DLC1: variants seen among roughly 807,000 people sequenced by gnomAD.
DLC1 encodes rho GTPase-activating protein 7.
DLC1 carries 54 observed loss-of-function variants against 140.3 expected under a neutral mutation model. That is an observed-to-expected ratio of 0.38 (90% CI 0.31 to 0.48). The LOEUF is 0.48. Ranked by LOEUF, DLC1 falls within the 20% of genes least tolerant of loss-of-function variation. The pLI, the probability that DLC1 is intolerant of heterozygous loss-of-function variation, is 0.96. For synonymous variants in DLC1, 986 were observed against 728.1 expected (o/e 1.35, Z -5.70); for missense variants, 2,536 against 1,907.0 (o/e 1.33, Z -6.14).
rs10092599 is a variant in DLC1, at chr8:13,087,716, G to A, written c.4292+771C>T. Among the ~76,000 whole-genome samples, 738 of 152,314 alleles carry A rather than the reference G, an allele frequency of 4.8e-3. 4 individuals are homozygous for A. Among genetic ancestry groups the A allele is most frequent in the African/African-American group, 0.017 (703 of 41,560 alleles). ...TTGGAACACAGACACCTAAAGGAGCGCTGGCTGTTTGAAAAGGTCTGGACT... is the reference window on the plus strand; with the variant it reads ...TTGGAACACAGACACCTAAAGGAGCACTGGCTGTTTGAAAAGGTCTGGACT... On this transcript the variant is annotated intron_variant, in intron 16 of 17. Coordinates refer to ENST00000276297, the MANE Select transcript of DLC1 (RefSeq NM_182643.3).
At chr8:13,269,874 G>A (rs531045276) in intron 5 of DLC1, among the ~76,000 whole-genome samples, 4 of 149,734 alleles carry the variant, frequency 2.7e-5, no homozygotes, top group South Asian at 4.3e-4. Context: ...TGGCTAACAC[G>A]GTGAAACCCC....
In DLC1 at chr8:13,499,318, C is replaced by T; in HGVS notation, c.754G>A (p.Val252Ile). The T allele has an allele frequency of 6.2e-7, 1 of 1,614,100 alleles. No homozygotes were observed. Among genetic ancestry groups the T allele is most frequent in the Non-Finnish European group, 8.5e-7 (1 of 1,180,028 alleles). Residue 252 changes from valine (V) to isoleucine (I), a missense_variant, in exon 2 of 18, where the codon GTA (valine) becomes ATA (isoleucine). Physicochemically the swap from Val to Ile is conservative, Grantham distance 29 (BLOSUM62 3). Transcript: ENST00000276297. ...GTATCCAAGAACTCATTTTGTACTA[C>T]ATTGCAGGTGCTTCTTTCATTTTCA... ...KDENERSTCN[V>I]VQNEFLDTPC...
chr8:13,259,012 C>T (rs1830372320), intron 5 of DLC1, among the ~76,000 whole-genome samples: 1 of 151,794 alleles, frequency 6.6e-6, no homozygotes, highest in Non-Finnish European at 1.5e-5. Context: ...TGGCGGGCGC[C>T]TGTACTCCCA....
At position 13,219,757 on chromosome 8, in the gene DLC1, C is replaced by A. The variant is rs114424475; in HGVS notation, c.1348+85512G>T. The stretch of plus-strand genomic sequence containing the variant: ...TCATTGCAGCACTATTTATAGCAAC[C>A]AAAAGTGGAAGCATTCTGAATCGTT... On this transcript the variant is annotated intron_variant, in intron 5 of 17. Coordinates refer to ENST00000276297, the MANE Select transcript of DLC1 (RefSeq NM_182643.3). 6.6e-3 allele frequency among the ~76,000 whole-genome samples: 1,003 copies of A among 151,918 alleles called. 9 individuals are homozygous for A. Among genetic ancestry groups the A allele is most frequent in the African/African-American group, 0.023 (941 of 41,430 alleles).
At chr8:13,096,354 C>T (rs1818498340) in intron 10 of DLC1, among the ~76,000 whole-genome samples, 1 of 152,084 alleles carries the variant, frequency 6.6e-6, no homozygotes, top group African/African-American at 2.4e-5. Context: ...ACTCTAAGCA[C>T]AGAGGAACTC....
At chr8:13,160,257 C>T (rs1824584171) in intron 5 of DLC1, 1 of 152,232 alleles carries the variant, frequency 6.6e-6, no homozygotes, top group African/African-American at 2.4e-5. Flanking sequence ...TCCACGCCCG[C>T]TGCTTCACTT....
chr8:13,495,542 C>A (rs1801461203), intron 2 of DLC1, among the ~76,000 whole-genome samples: 1 of 152,130 alleles, frequency 6.6e-6, no homozygotes, highest in South Asian at 2.1e-4. Context: ...TTATATATTT[C>A]ATCCTATTTA....
chr8:13,350,707 C>T (rs1465951536), intron 4 of DLC1, among the ~76,000 whole-genome samples: 1 of 151,130 alleles, frequency 6.6e-6, no homozygotes, highest in Non-Finnish European at 1.5e-5. Context: ...TGGAGCAAGA[C>T]TCGATCTTAA....
chr8:13,468,497 C>T (rs1297055031), intron 2 of DLC1, among the ~76,000 whole-genome samples: 1 of 151,504 alleles, frequency 6.6e-6, no homozygotes, highest in Non-Finnish European at 1.5e-5. Flanking sequence ...CCACCACCTC[C>T]CAGATAGCTA....
chr8:13,185,901 G>A (rs1418108841), intron 5 of DLC1, among the ~76,000 whole-genome samples: 3 of 152,106 alleles, frequency 2.0e-5, no homozygotes, highest in Admixed American at 6.5e-5. Context: ...TCTCCTTCAT[G>A]TATGAAGCTT....
At chr8:13,297,910 T>C (rs1268745838) in intron 5 of DLC1, among the ~76,000 whole-genome samples, 3 of 152,200 alleles carry the variant, frequency 2.0e-5, no homozygotes, top group African/African-American at 7.2e-5. Context: ...TTGCATTTCC[T>C]TTCTCAGGGA....
chr8:13,561,613 T>A (rs2117382488), intron 1 of DLC1, among the ~76,000 whole-genome samples: 1 of 152,334 alleles, frequency 6.6e-6, no homozygotes, highest in South Asian at 2.1e-4. Context: ...TCTTTATTAA[T>A]TTATTTATTT....
In DLC1 at chr8:13,399,858, G is replaced by C. The variant is rs558565744; in HGVS notation, c.1173+1612C>G. Reference sequence around the variant, plus strand: ...ATATTCTCAAACTGGGGTGGGGTAGGGGGGCGGTGAGTGTTTCACTTTGTG... The same window carrying C: ...ATATTCTCAAACTGGGGTGGGGTAGCGGGGCGGTGAGTGTTTCACTTTGTG... On this transcript the variant is annotated intron_variant, in intron 3 of 17. Transcript: ENST00000276297. Among the ~76,000 whole-genome samples, 8 of 152,194 alleles carry C rather than the reference G, an allele frequency of 5.3e-5. No individual in the cohort carries two copies. The South Asian group carries it at 6.2e-4, about 12-fold the overall frequency.
intron 1 of DLC1, among the ~76,000 whole-genome samples, chr8:13,586,375 G>T (rs1375786880): frequency 6.6e-6 from 1 of 152,086 alleles, no homozygotes; most frequent in Non-Finnish European, 1.5e-5. Context: ...ATGACCGATT[G>T]AACAGTAGAG....
chr8:13,382,060 G>A (rs989321893), intron 4 of DLC1, among the ~76,000 whole-genome samples: 16 of 152,086 alleles, frequency 1.1e-4, no homozygotes, highest in Non-Finnish European at 2.4e-4. Context: ...TTAGAAAAAG[G>A]GAATCCTTCT....
At chr8:13,428,963 C>A (rs1276385946) in intron 2 of DLC1, among the ~76,000 whole-genome samples, 3 of 152,152 alleles carry the variant, frequency 2.0e-5, no homozygotes, top group Non-Finnish European at 4.4e-5. Flanking sequence ...TAAATAAGTT[C>A]CGTAGAATCA....
chr8:13,356,842 A>C (rs1184799100), intron 4 of DLC1, among the ~76,000 whole-genome samples: 1 of 150,018 alleles, frequency 6.7e-6, no homozygotes, highest in East Asian at 1.9e-4. Flanking sequence ...TCTTTTTTTT[A>C]TTATTTTTTT....
intron 4 of DLC1, among the ~76,000 whole-genome samples, chr8:13,385,799 C>G (rs1424937235): frequency 6.6e-6 from 1 of 152,182 alleles, no homozygotes; most frequent in Non-Finnish European, 1.5e-5. Context: ...ATGACTTTAA[C>G]TGTCTTTAAG....
chr8:13,320,252 T>G (rs1339407320), intron 4 of DLC1, among the ~76,000 whole-genome samples: 2 of 152,166 alleles, frequency 1.3e-5, no homozygotes, highest in African/African-American at 4.8e-5. Context: ...TATCTTAAAT[T>G]TCTTGCTAAT....
Sources: allele counts gnomAD v4.1 joint callset (sites outside exome capture counted in the v4.1 genomes callset), GRCh38; gene constraint gnomAD v4.1.1; transcripts MANE v1.5; gene names NCBI Gene and HGNC (gene_info 2026-07-23, HGNC 2026-07-21).